CREB3L2: variants seen among roughly 807,000 people sequenced by gnomAD.
CREB3L2 encodes cyclic AMP-responsive element-binding protein 3-like protein 2.
Under a neutral mutation model 57.2 loss-of-function variants are expected in CREB3L2, and 23 were observed. The ratio of observed to expected loss-of-function variants is 0.40; its 90% confidence interval spans 0.29 to 0.57. The LOEUF (loss-of-function observed/expected upper bound fraction) is 0.57, where lower values mean the gene tolerates loss of function less well. CREB3L2 is among the 20% of genes least tolerant of loss of function. The probability of loss-of-function intolerance (pLI) is 0.42; values close to 1 mark genes in which losing one functional copy is unlikely to be tolerated. For synonymous variants in CREB3L2, 268 were observed against 265.1 expected, an observed-to-expected ratio of 1.01 and a Z score of -0.11; for missense variants, 628 against 634.7, an observed-to-expected ratio of 0.99 and a Z score of 0.11.
At chr7:137,892,599 G>A (rs7786386) in intron 8 of CREB3L2, among the ~76,000 whole-genome samples, 5,661 of 152,122 alleles carry the variant, frequency 0.037, 334 homozygotes, top group African/African-American at 0.12. Flanking sequence ...GCAGTGGGCC[G>A]AGATCACGCC....
intron 1 of CREB3L2, among the ~76,000 whole-genome samples, chr7:137,975,762 G>A (rs897223688): frequency 1.3e-5 from 2 of 152,148 alleles, no homozygotes; most frequent in South Asian, 2.1e-4. Context: ...TAATTAAACA[G>A]CAGGAAAGAG....
intron 8 of CREB3L2, among the ~76,000 whole-genome samples, chr7:137,896,898 A>G (rs193052131): frequency 1.6e-4 from 25 of 152,330 alleles, no homozygotes; most frequent in African/African-American, 6.0e-4. Context: ...ACTTACATCT[A>G]AAGAAAAATT....
intron 1 of CREB3L2, among the ~76,000 whole-genome samples, chr7:137,974,991 G>C (rs568603895): frequency 6.6e-6 from 1 of 152,304 alleles, no homozygotes; most frequent in East Asian, 1.9e-4. Flanking sequence ...TGTTGCCCAA[G>C]AGACAGTTAC....
chr7:137,880,660 G>A lies in CREB3L2; in HGVS notation c.1488-109C>T, dbSNP rs1054900093. ...TTCAGGGGTTGCAACTTGGTGAGAC[G>A]GCCTGGGCATGTTTCTTGTCCTTTT... On this transcript the variant is annotated intron_variant, in intron 11 of 11. Coordinates refer to ENST00000330387, the MANE Select transcript of CREB3L2 (RefSeq NM_194071.4). This position sits in a 1 kb window ranked among gnomAD's most constrained non-coding sequence, Gnocchi z 4.0. 30 of 831,136 alleles carry A rather than the reference G, an allele frequency of 3.6e-5. No homozygotes were observed. Among genetic ancestry groups the A allele is most frequent in the African/African-American group, 2.4e-4 (14 of 59,508 alleles). The allele number at this position is 831,136 out of a possible 1,614,324, so 51.5% of individuals were successfully genotyped here.
intron 1 of CREB3L2, among the ~76,000 whole-genome samples, chr7:137,971,325 C>T (rs1801502759): frequency 2.0e-5 from 3 of 152,052 alleles, no homozygotes; most frequent in Non-Finnish European, 2.9e-5. Context: ...TGGCGGGCGC[C>T]TGTAGTCCCA....
intron 1 of CREB3L2, among the ~76,000 whole-genome samples, chr7:137,934,609 CTAGA>C (rs2117249995): frequency 6.6e-6 from 1 of 152,318 alleles, no homozygotes; most frequent in South Asian, 2.1e-4. Context: ...GCCTCTAAAG[CTAGA>C]TAAAGATAGG....
chr7:137,885,524 G>A (rs748308211), intron 8 of CREB3L2, 22 bp from the exon 9 acceptor site: 58 of 1,564,688 alleles, frequency 3.7e-5, no homozygotes, highest in East Asian at 2.5e-4. Context: ...AACAACAGCC[G>A]TGAGGGGAGT....
At chr7:137,988,317 G>A (rs777199960) in intron 1 of CREB3L2, among the ~76,000 whole-genome samples, 3 of 152,248 alleles carry the variant, frequency 2.0e-5, no homozygotes, top group Admixed American at 6.5e-5. Context: ...GTGCCTTTGC[G>A]GGTCCTGAAA....
At chr7:137,886,338 G>T (rs1253107042) in intron 8 of CREB3L2, among the ~76,000 whole-genome samples, 1 of 152,150 alleles carries the variant, frequency 6.6e-6, no homozygotes, top group Non-Finnish European at 1.5e-5. Flanking sequence ...AGAGGTGGGG[G>T]CTGTGACTGG....
intron 1 of CREB3L2, among the ~76,000 whole-genome samples, chr7:137,973,687 TAC>T (rs56398405): frequency 0.37 from 41,886 of 112,422 alleles, 5,863 homozygotes; most frequent in African/African-American, 0.56. Context: ...AGAGGGACCC[TAC>T]TAGTCAGCCA....
At chr7:137,995,069 G>A (rs998007834) in intron 1 of CREB3L2, among the ~76,000 whole-genome samples, 7 of 152,066 alleles carry the variant, frequency 4.6e-5, no homozygotes, top group African/African-American at 7.2e-5. Flanking sequence ...TCATATGACC[G>A]AATCCTTACC....
intron 1 of CREB3L2, among the ~76,000 whole-genome samples, chr7:137,943,191 G>A (rs752937201): frequency 5.9e-5 from 9 of 152,106 alleles, no homozygotes; most frequent in South Asian, 2.1e-4. Flanking sequence ...GGCCCCCTGC[G>A]GCTCTGGTAT....
At chr7:137,958,602 T>C (rs768983432) in intron 1 of CREB3L2, among the ~76,000 whole-genome samples, 2 of 152,248 alleles carry the variant, frequency 1.3e-5, no homozygotes, top group Non-Finnish European at 2.9e-5. Flanking sequence ...TAAAAAGCTG[T>C]ATTTGAGGAA....
At chr7:137,929,119 A>G (rs951839818) in intron 1 of CREB3L2, among the ~76,000 whole-genome samples, 6 of 152,086 alleles carry the variant, frequency 3.9e-5, no homozygotes, top group Non-Finnish European at 5.9e-5. Context: ...GTTTTTCCTT[A>G]ATATGCTCCC....
intron 5 of CREB3L2, among the ~76,000 whole-genome samples, chr7:137,906,951 G>A (rs150458216): frequency 6.6e-6 from 1 of 152,278 alleles, no homozygotes; most frequent in East Asian, 1.9e-4. Context: ...TCTCGGGTAT[G>A]TCTTTATCAG....
intron 1 of CREB3L2, among the ~76,000 whole-genome samples, chr7:137,975,020 A>G (rs772650417): frequency 4.6e-5 from 7 of 152,202 alleles, no homozygotes; most frequent in Non-Finnish European, 8.8e-5. Context: ...AAGAAATGAC[A>G]TTTCAGCATC....
chr7:137,896,476 T>A (rs962160525), intron 8 of CREB3L2, among the ~76,000 whole-genome samples: 2 of 152,164 alleles, frequency 1.3e-5, no homozygotes, highest in Non-Finnish European at 2.9e-5. Flanking sequence ...TAATTTTGTA[T>A]TTTTAGTAGA....
At chr7:137,947,806 T>C (rs555752383) in intron 1 of CREB3L2, among the ~76,000 whole-genome samples, 2 of 152,214 alleles carry the variant, frequency 1.3e-5, no homozygotes, top group African/African-American at 4.8e-5. Context: ...ACACATTTCT[T>C]AACTGAAGAC....
intron 8 of CREB3L2, among the ~76,000 whole-genome samples, chr7:137,888,134 T>C (rs1006871082): frequency 6.6e-6 from 1 of 152,170 alleles, no homozygotes; most frequent in Non-Finnish European, 1.5e-5. Context: ...GTTTCTTTTC[T>C]TTATTTTTTG....
Sources: gnomAD v4.1 joint callset for allele counts (sites outside exome capture counted in the v4.1 genomes callset) on GRCh38, gnomAD v4.1.1 for gene constraint, Gnocchi (gnomAD v3.1) non-coding constraint, MANE v1.5 for transcripts, NCBI Gene and HGNC (gene_info 2026-07-23, HGNC 2026-07-21) for gene names.